The following TRIM37 variants were observed in gnomAD, a reference collection of about 807,000 sequenced individuals.
TRIM37 encodes E3 ubiquitin-protein ligase TRIM37.
A neutral mutation model predicts 129.8 loss-of-function variants in TRIM37; 80 were observed. The observed-to-expected ratio is 0.62, with a 90% CI of 0.51 to 0.74. TRIM37 has a LOEUF of 0.74. TRIM37 is among the 30% of genes least tolerant of loss of function. The pLI is 0.00. For missense variants in TRIM37, 1,054 were observed against 1,176.5 expected (o/e 0.90, Z 1.52); for synonymous variants, 389 against 387.1 (o/e 1.00, Z -0.06).
chr17:59,055,930 A>C (rs2040828638), intron 13 of TRIM37, among the ~76,000 whole-genome samples: 1 of 152,128 alleles, frequency 6.6e-6, no homozygotes. Flanking sequence ...CTAAAATAAA[A>C]GTTTAAGAAA....
At chr17:59,091,964 T>G (rs1385728147) in intron 2 of TRIM37, among the ~76,000 whole-genome samples, 2 of 151,722 alleles carry the variant, frequency 1.3e-5, no homozygotes, top group Non-Finnish European at 2.9e-5. Flanking sequence ...CTATCTAGTT[T>G]ACTACTAAAT....
intron 17 of TRIM37, among the ~76,000 whole-genome samples, chr17:59,034,437 C>T (rs1221527280): frequency 1.3e-5 from 2 of 151,546 alleles, no homozygotes; most frequent in South Asian, 2.1e-4. Context: ...TTTTTTGAGA[C>T]GGAGTCTTGC....
At chr17:59,001,808 T>A in intron 22 of TRIM37, 94 bp from the exon 23 acceptor site, 1 of 1,526,242 alleles carries the variant, frequency 6.6e-7, no homozygotes, top group Non-Finnish European at 8.9e-7. Flanking sequence ...GAGATTCCTA[T>A]TGAATTTTAC....
chr17:59,102,981 T>C (rs929262379), intron 2 of TRIM37, among the ~76,000 whole-genome samples: 8 of 152,052 alleles, frequency 5.3e-5, no homozygotes, highest in African/African-American at 1.9e-4. Flanking sequence ...CAAGTGATTC[T>C]CCTGTCTCAG....
At chr17:59,003,156 C>T (rs2034001900) in intron 22 of TRIM37, among the ~76,000 whole-genome samples, 1 of 152,180 alleles carries the variant, frequency 6.6e-6, no homozygotes, top group Non-Finnish European at 1.5e-5. Flanking sequence ...GCATTACAGG[C>T]ATGAGCCACC....
intron 2 of TRIM37, among the ~76,000 whole-genome samples, 164 bp from the exon 3 acceptor site, chr17:59,091,504 ACATAT>A (rs1304351967): frequency 1.9e-4 from 19 of 100,344 alleles, no homozygotes; most frequent in African/African-American, 5.6e-4. Context: ...TTATTATATA[ACATAT>A]CATATATATA....
chr17:58,972,484 G>A, the TRIM37 span, among the ~76,000 whole-genome samples: 1 of 152,068 alleles, frequency 6.6e-6, no homozygotes. Context: ...CCGAGTAGCT[G>A]GGATTACAGG....
chr17:58,992,529 C>T (rs139230628), intron 24 of TRIM37, among the ~76,000 whole-genome samples: 2 of 151,768 alleles, frequency 1.3e-5, no homozygotes, highest in East Asian at 3.9e-4. Flanking sequence ...TACAGGCATG[C>T]GCCACCACGC....
the TRIM37 span, among the ~76,000 whole-genome samples, chr17:58,977,140 T>C: frequency 6.6e-6 from 1 of 152,094 alleles, no homozygotes; most frequent in African/African-American, 2.4e-5. Context: ...TGGTTTTGAC[T>C]CCTGTAAGAA....
chr17:59,064,501 T>TTA (rs1182139071), intron 9 of TRIM37, 96 bp from the exon 10 acceptor site: 1 of 778,170 alleles, frequency 1.3e-6, no homozygotes, highest in Non-Finnish European at 2.1e-6. Context: ...CTTAAAAACT[T>TTA]TATTAAACTA....
chr17:59,055,514 G>A (rs1212344613), intron 13 of TRIM37, among the ~76,000 whole-genome samples: 4 of 151,462 alleles, frequency 2.6e-5, no homozygotes, highest in African/African-American at 9.7e-5. Context: ...CTAACACGGT[G>A]GAACCCCATC....
At chr17:59,000,053 A>G (rs1295924032) in intron 23 of TRIM37, among the ~76,000 whole-genome samples, 2 of 152,234 alleles carry the variant, frequency 1.3e-5, no homozygotes, top group African/African-American at 2.4e-5. Context: ...TTGTCACTCC[A>G]GGATATCTTG....
intron 24 of TRIM37, chr17:58,984,772 T>C (rs3809722): frequency 6.6e-6 from 1 of 152,498 alleles, no homozygotes; most frequent in South Asian, 2.1e-4. Flanking sequence ...AGCAGCATTT[T>C]ATCTTCTATT....
chr17:59,010,707 G>A (rs2035145077), intron 22 of TRIM37, among the ~76,000 whole-genome samples: 2 of 151,890 alleles, frequency 1.3e-5, no homozygotes, highest in Admixed American at 1.3e-4. Flanking sequence ...TTGCCAGGCT[G>A]GTCTCGAACT....
intron 13 of TRIM37, among the ~76,000 whole-genome samples, chr17:59,055,334 A>C (rs2040747332): frequency 4.0e-5 from 1 of 24,718 alleles, no homozygotes; most frequent in African/African-American, 1.5e-4. Context: ...CTCTGTCTCA[A>C]AAAAAAAAAA....
chr17:59,014,398 A>T (rs1430173263), intron 21 of TRIM37, among the ~76,000 whole-genome samples: 1 of 152,196 alleles, frequency 6.6e-6, no homozygotes, highest in Non-Finnish European at 1.5e-5. Flanking sequence ...ATGGCTAATC[A>T]TCTGCCACAT....
intron 15 of TRIM37, among the ~76,000 whole-genome samples, 170 bp downstream of exon 15, chr17:59,049,006 TTC>T (rs2040086786): frequency 1.3e-5 from 2 of 152,234 alleles, no homozygotes; most frequent in Non-Finnish European, 2.9e-5. Context: ...AATGCTTTGA[TTC>T]AACAACTTCT....
chr17:59,064,331 A>AC (rs747535223), intron 10 of TRIM37, 24 bp downstream of exon 10: 1 of 1,581,304 alleles, frequency 6.3e-7, no homozygotes, highest in South Asian at 1.1e-5. Context: ...ATACAAAAAA[A>AC]CCAGAATTGT....
chr17:59,048,875 G>C (rs1364922411), intron 15 of TRIM37, among the ~76,000 whole-genome samples: 1 of 152,226 alleles, frequency 6.6e-6, no homozygotes, highest in Non-Finnish European at 1.5e-5. Flanking sequence ...GGGATTACAG[G>C]TGTGAGCCAC....
Sources: allele counts gnomAD v4.1 joint callset (sites outside exome capture counted in the v4.1 genomes callset), GRCh38; gene constraint gnomAD v4.1.1; transcripts MANE v1.5; gene names NCBI Gene and HGNC (gene_info 2026-07-23, HGNC 2026-07-21).